MME: variants seen among roughly 807,000 people sequenced by gnomAD.
MME encodes the protein membrane metalloendopeptidase.
MME carries 98 observed loss-of-function variants against 113.2 expected under a neutral mutation model. That is an observed-to-expected ratio of 0.87 (90% CI 0.74 to 1.02). The LOEUF (loss-of-function observed/expected upper bound fraction) is 1.02. MME is among the 50% of genes least tolerant of loss of function. The pLI, the probability that MME is intolerant of heterozygous loss-of-function variation, is 0.00. For missense variants in MME, 836 were observed against 896.0 expected, an observed-to-expected ratio of 0.93 and a Z score of 0.86; for synonymous variants, 292 against 300.6, an observed-to-expected ratio of 0.97 and a Z score of 0.30.
intron 22 of MME, among the ~76,000 whole-genome samples, chr3:155,177,453 A>T (rs1388020215): frequency 6.6e-6 from 1 of 152,220 alleles, no homozygotes; most frequent in Non-Finnish European, 1.5e-5. Context: ...CTAAAGACCA[A>T]TGCAAATTCC....
chr3:155,160,390 G>A lies in MME; in HGVS notation c.1602G>A (p.Glu534=), dbSNP rs1722630639. The change falls in exon 17 of 23, where the codon GAG becomes GAA. Residue 534 remains glutamate (E), a splice_region_variant and synonymous_variant. Coordinates refer to ENST00000360490, the MANE Select transcript of MME (RefSeq NM_007289.4). ...KKLREKVDKD[E]WISGAAVVNA... is the part of the protein sequence containing the mutation. ...TAAAGAGTTCTTATGTTTTCTACAG[G>A]TGGATAAGTGGAGCAGCTGTAGTCA... 3.1e-6 allele frequency: 5 copies of A among 1,603,808 alleles called. No homozygotes were observed. Among genetic ancestry groups the A allele is most frequent in the Non-Finnish European group, 3.4e-6 (4 of 1,171,112 alleles).
chr3:155,053,301 A>C (rs1017800650), intron 1 of MME, among the ~76,000 whole-genome samples: 10 of 152,316 alleles, frequency 6.6e-5, no homozygotes, highest in African/African-American at 2.4e-4. Flanking sequence ...GCCGCTTTAA[A>C]GACATACTCA....
chr3:155,062,148 T>C (rs970037994), intron 1 of MME, among the ~76,000 whole-genome samples: 3 of 152,236 alleles, frequency 2.0e-5, no homozygotes, highest in African/African-American at 7.2e-5. Flanking sequence ...TATACTTGCC[T>C]CATCCTTGCC....
At chr3:155,179,836 G>C (rs1429851120) in intron 22 of MME, among the ~76,000 whole-genome samples, 2 of 151,790 alleles carry the variant, frequency 1.3e-5, no homozygotes, top group Non-Finnish European at 2.9e-5. Context: ...AGCCCTTTTG[G>C]AAAAAAGGAA....
Position 155,025,761 on chromosome 3 carries a change from C to G in MME, c.-11+1437C>G, listed in dbSNP as rs576849620. ...AGGCTGGAGTGCAATGGCACGATCT[C>G]GGCTCACTGCAACCTCTGCCTCTTG... On this transcript the variant is annotated intron_variant, in intron 1 of 22. Transcript: ENST00000492661. Among the ~76,000 whole-genome samples the G allele has an allele frequency of 2.3e-5, 3 of 131,416 alleles. No homozygotes were observed. The South Asian group carries it at 7.7e-4, about 34-fold the overall frequency. The allele number at this position is 131,416 out of a possible 152,430, so 86.2% of individuals were successfully genotyped here.
intron 16 of MME, among the ~76,000 whole-genome samples, chr3:155,155,654 CA>C (rs928540482): frequency 4.2e-4 from 64 of 152,218 alleles, no homozygotes; most frequent in African/African-American, 1.5e-3. Context: ...AGTCTTATGT[CA>C]AGTTATGTAA....
chr3:155,099,355 T>C (rs1717008401), intron 3 of MME, among the ~76,000 whole-genome samples: 1 of 152,212 alleles, frequency 6.6e-6, no homozygotes, highest in African/African-American at 2.4e-5. Context: ...CTTAAAACAA[T>C]ATGTTCTGTT....
At chr3:155,030,470 G>A (rs781092899) in intron 1 of MME, among the ~76,000 whole-genome samples, 14 of 152,052 alleles carry the variant, frequency 9.2e-5, no homozygotes, top group Non-Finnish European at 1.8e-4. Flanking sequence ...AATCGATAGG[G>A]CAAAGAAAGC....
At chr3:155,092,601 T>G (rs764804696) in intron 3 of MME, among the ~76,000 whole-genome samples, 7 of 152,094 alleles carry the variant, frequency 4.6e-5, no homozygotes, top group Non-Finnish European at 7.4e-5. Flanking sequence ...TATGGAAATA[T>G]CCCAAATATG....
chr3:155,134,807 T>C (rs1164104332), intron 8 of MME, among the ~76,000 whole-genome samples: 1 of 152,182 alleles, frequency 6.6e-6, no homozygotes, highest in Non-Finnish European at 1.5e-5. Context: ...CTGTTCATTT[T>C]TGACTTTTGA....
At chr3:155,128,506 G>A (rs1383296088) in intron 8 of MME, among the ~76,000 whole-genome samples, 2 of 152,112 alleles carry the variant, frequency 1.3e-5, no homozygotes, top group African/African-American at 2.4e-5. Context: ...AAATCTGGAA[G>A]GAATGTTAAT....
rs111280905 is a variant in MME at position 155,110,789 on chromosome 3, C to T, written c.197-4205C>T. Among the ~76,000 whole-genome samples, 256 of 152,230 alleles carry T rather than the reference C, an allele frequency of 1.7e-3. 1 individual carries two copies. Among genetic ancestry groups the T allele is most frequent in the African/African-American group, 5.6e-3 (232 of 41,536 alleles). Reference sequence around the variant, plus strand: ...AAATTAAACACACTCTTAATCCCTCCGCCCAGATCTAACTGCTGTAAATAT... The same window carrying T: ...AAATTAAACACACTCTTAATCCCTCTGCCCAGATCTAACTGCTGTAAATAT... On this transcript the variant is annotated intron_variant, in intron 3 of 22. Coordinates refer to ENST00000360490, the MANE Select transcript of MME (RefSeq NM_007289.4).
Position 155,147,204 on chromosome 3 carries a change from C to G in MME, c.1477C>G (p.Leu493Val). 6.2e-7 allele frequency: 1 copy of G among 1,603,796 alleles called. No homozygotes were observed. The highest frequency in any genetic ancestry group is 2.2e-5 in the East Asian group (1 of 44,724). The change falls in exon 15 of 23, where the codon CTG (leucine) becomes GTG (valine). Residue 493 changes from leucine (L) to valine (V), a missense_variant. Leu to Val is a conservative substitution (Grantham distance 32, BLOSUM62 1). Coordinates refer to ENST00000360490, the MANE Select transcript of MME (RefSeq NM_007289.4). ...PDDIVSNDNKLNNEYLELNYK... is the reference protein window; with the variant it reads ...PDDIVSNDNKVNNEYLELNYK... The stretch of plus-strand genomic sequence containing the variant: ...TGACATTGTTTCAAATGATAACAAA[C>G]TGAATAATGAGTACCTCGAGGTAAG...
At chr3:155,148,415 CT>C in intron 15 of MME, 134 bp from the exon 16 acceptor site, 1 of 639,774 alleles carries the variant, frequency 1.6e-6, no homozygotes, top group Non-Finnish European at 2.8e-6. Context: ...GAACTACATC[CT>C]TTTTTGGTAA....
intron 3 of MME, among the ~76,000 whole-genome samples, chr3:155,114,179 G>T (rs1424875990): frequency 3.3e-5 from 5 of 152,298 alleles, no homozygotes; most frequent in South Asian, 2.1e-4. Flanking sequence ...GAGACTCAAA[G>T]TGGGGAGGGC....
chr3:155,110,571 G>T (rs1559923852), intron 3 of MME, among the ~76,000 whole-genome samples: 2 of 152,120 alleles, frequency 1.3e-5, no homozygotes, highest in Admixed American at 6.6e-5. Context: ...AAAGAAAATG[G>T]TGTCATTTAT....
chr3:155,092,384 T>A lies in MME; in HGVS notation c.196+7290T>A, dbSNP rs567317209. Among the ~76,000 whole-genome samples, 4 of 152,346 alleles carry A rather than the reference T, an allele frequency of 2.6e-5. No homozygotes were observed. The East Asian group carries it at 7.7e-4, about 29-fold the overall frequency. On this transcript the variant is annotated intron_variant, in intron 3 of 22. Transcript: ENST00000360490. ...AACCATCATACATTAATGGTGGGAA[T>A]GTAAATTTTAGTACATCTGGATCAA...
At chr3:155,083,904 T>G in intron 1 of MME, 1 of 426,130 alleles carries the variant, frequency 2.3e-6, no homozygotes, top group Non-Finnish European at 4.3e-6. Flanking sequence ...TGCTGAGATT[T>G]TCAGTGATAT....
intron 15 of MME, among the ~76,000 whole-genome samples, chr3:155,147,853 C>G (rs185748791): frequency 5.0e-4 from 76 of 152,276 alleles, no homozygotes; most frequent in African/African-American, 1.6e-3. Flanking sequence ...ATTCCTCATT[C>G]ATTGATTACT....
Sources: allele counts gnomAD v4.1 joint callset (sites outside exome capture counted in the v4.1 genomes callset), GRCh38; gene constraint gnomAD v4.1.1; transcripts MANE v1.5; gene names NCBI Gene and HGNC (gene_info 2026-07-23, HGNC 2026-07-21).